The following SYN3 variants were observed in gnomAD, a reference collection of about 807,000 sequenced individuals.
SYN3 encodes synapsin III, also known as synapsin-3.
Under a neutral mutation model 65.8 loss-of-function variants are expected in SYN3, and 35 were observed. That is an observed-to-expected ratio of 0.53 (90% CI 0.41 to 0.70). The LOEUF (loss-of-function observed/expected upper bound fraction) is 0.70, where lower values mean the gene tolerates loss of function less well. Among genes scored for constraint, SYN3 ranks in the 30% least tolerant of loss-of-function variants. The probability of loss-of-function intolerance (pLI) is 0.00; values close to 1 mark genes in which losing one functional copy is unlikely to be tolerated. For synonymous variants in SYN3, 270 were observed against 292.9 expected, an observed-to-expected ratio of 0.92 and a Z score of 0.80; for missense variants, 680 against 749.0, an observed-to-expected ratio of 0.91 and a Z score of 1.08.
intron 6 of SYN3, among the ~76,000 whole-genome samples, chr22:32,653,906 C>A (rs539897193): frequency 2.6e-5 from 4 of 152,212 alleles, no homozygotes; most frequent in Non-Finnish European, 4.4e-5. Flanking sequence ...CTTTTGAAGT[C>A]TGAACTCTGG....
In SYN3 at chr22:32,549,627, G is replaced by A. The variant is rs553046630; in HGVS notation, c.775-7914C>T. ...GATTAAAAAAATACAGGCTGGGTGC[G>A]CAGGCTCACGCCTGTAATCCCAGCA... On this transcript the variant is annotated intron_variant, in intron 7 of 13. Transcript: ENST00000358763. Among the ~76,000 whole-genome samples, 322 of 152,294 alleles carry A rather than the reference G, an allele frequency of 2.1e-3. 1 individual carries two copies. The highest frequency in any genetic ancestry group is 7.3e-3 in the African/African-American group (302 of 41,562).
intron 7 of SYN3, among the ~76,000 whole-genome samples, chr22:32,549,838 G>C (rs908062905): frequency 2.0e-5 from 3 of 150,220 alleles, no homozygotes; most frequent in Non-Finnish European, 4.4e-5. Flanking sequence ...GCAGTGAGCT[G>C]AGATTGCACC....
At chr22:32,652,095 C>T (rs2060079354) in intron 6 of SYN3, among the ~76,000 whole-genome samples, 1 of 152,216 alleles carries the variant, frequency 6.6e-6, no homozygotes, top group African/African-American at 2.4e-5. Flanking sequence ...ATTCCAGACT[C>T]TGCCACTTAG....
At chr22:32,745,711 C>G (rs1020928789) in intron 6 of SYN3, among the ~76,000 whole-genome samples, 2 of 151,954 alleles carry the variant, frequency 1.3e-5, no homozygotes, top group African/African-American at 4.8e-5. Flanking sequence ...GAAACGGACA[C>G]GTACACCCAG....
chr22:32,927,324 C>T (rs1028464661), intron 4 of SYN3, among the ~76,000 whole-genome samples: 6 of 148,366 alleles, frequency 4.0e-5, no homozygotes, highest in South Asian at 2.1e-4. Flanking sequence ...AGTGCAGTGG[C>T]GTGATCACAG....
At chr22:33,028,691 A>ATGG (rs1170552905) in intron 1 of SYN3, among the ~76,000 whole-genome samples, 32 of 43,150 alleles carry the variant, frequency 7.4e-4, no homozygotes, top group East Asian at 2.2e-3. Context: ...GGTGGTGGTG[A>ATGG]TGGTGGTGGT....
chr22:32,669,685 T>C (rs2060335438), intron 6 of SYN3, among the ~76,000 whole-genome samples: 1 of 152,230 alleles, frequency 6.6e-6, no homozygotes, highest in Non-Finnish European at 1.5e-5. Flanking sequence ...TTATACATGG[T>C]TGTCCAGAGT....
intron 6 of SYN3, among the ~76,000 whole-genome samples, chr22:32,699,617 T>C (rs1465298131): frequency 3.3e-5 from 5 of 152,160 alleles, no homozygotes; most frequent in African/African-American, 9.7e-5. Context: ...GGGGCCCAAT[T>C]TGTTTACCTT....
At chr22:32,766,246 T>C (rs1244120862) in intron 6 of SYN3, among the ~76,000 whole-genome samples, 1 of 152,202 alleles carries the variant, frequency 6.6e-6, no homozygotes, top group African/African-American at 2.4e-5. Context: ...GTGCTTTCCA[T>C]GACCCCAGCT....
Position 33,006,734 on chromosome 22 carries a change from GC to G in SYN3, c.-73del. The G allele has an allele frequency of 6.8e-7, 1 of 1,463,222 alleles. No individual in the cohort carries two copies. The highest frequency in any genetic ancestry group is 9.2e-7 in the Non-Finnish European group (1 of 1,086,564). The allele number at this position is 1,463,222 out of a possible 1,614,324, so 90.6% of individuals were successfully genotyped here. A position where few individuals can be genotyped will look rare whatever the true frequency, so the allele number is the denominator to read the frequency against. ...GGTGAGGCCCAGAAGACAGGCTGCT[GC>G]CAGGTACAGGGAGTGGTAGGACTTT... On this transcript the variant is annotated 5_prime_UTR_variant, in exon 2 of 14. Transcript: ENST00000358763.
intron 6 of SYN3, among the ~76,000 whole-genome samples, chr22:32,772,430 G>A (rs7284103): frequency 0.13 from 19,045 of 151,674 alleles, 1,188 homozygotes; most frequent in Admixed American, 0.16. Context: ...GTCCCATCTC[G>A]GGCAAGCTTC....
chr22:32,598,207 T>C (rs1184421531), intron 6 of SYN3, among the ~76,000 whole-genome samples: 2 of 152,190 alleles, frequency 1.3e-5, no homozygotes, highest in Non-Finnish European at 2.9e-5. Context: ...TTGATGTCTC[T>C]TGCCTGGTCT....
intron 6 of SYN3, among the ~76,000 whole-genome samples, chr22:32,761,857 G>A (rs1480093720): frequency 6.6e-6 from 1 of 152,168 alleles, no homozygotes; most frequent in African/African-American, 2.4e-5. Flanking sequence ...GTTTTGCCTG[G>A]TGGAATTTTC....
intron 6 of SYN3, among the ~76,000 whole-genome samples, chr22:32,645,308 G>A (rs527847637): frequency 4.2e-4 from 64 of 152,052 alleles, no homozygotes; most frequent in Admixed American, 3.5e-3. Context: ...AAAATTAGCC[G>A]GGCATGGTGG....
intron 6 of SYN3, among the ~76,000 whole-genome samples, chr22:32,637,422 G>A (rs2059831453): frequency 6.6e-6 from 1 of 152,078 alleles, no homozygotes; most frequent in Non-Finnish European, 1.5e-5. Flanking sequence ...GATATGTCAG[G>A]TATTATCATT....
At chr22:32,532,239 T>A (rs922222918) in intron 10 of SYN3, among the ~76,000 whole-genome samples, 7 of 152,286 alleles carry the variant, frequency 4.6e-5, no homozygotes, top group Admixed American at 1.3e-4. Flanking sequence ...CAAATCTGGG[T>A]TCATGTCTGG....
intron 7 of SYN3, among the ~76,000 whole-genome samples, chr22:32,544,361 A>G (rs1399468923): frequency 6.6e-6 from 1 of 152,136 alleles, no homozygotes; most frequent in Non-Finnish European, 1.5e-5. Flanking sequence ...CATTCTCCTC[A>G]ACATGTTCCT....
intron 6 of SYN3, among the ~76,000 whole-genome samples, chr22:32,717,919 C>T (rs978660000): frequency 3.3e-5 from 5 of 152,270 alleles, no homozygotes; most frequent in African/African-American, 9.6e-5. Flanking sequence ...TGTTTGTGCA[C>T]GCAAGCATGC....
intron 4 of SYN3, among the ~76,000 whole-genome samples, chr22:32,871,852 C>T (rs137493): frequency 0.58 from 87,260 of 151,742 alleles, 25,866 homozygotes; most frequent in African/African-American, 0.7. Flanking sequence ...GGTCTTGAAC[C>T]TCTGAACTTA....
Sources: gnomAD v4.1 joint callset for allele counts (sites outside exome capture counted in the v4.1 genomes callset) on GRCh38, gnomAD v4.1.1 for gene constraint, MANE v1.5 for transcripts, NCBI Gene and HGNC (gene_info 2026-07-23, HGNC 2026-07-21) for gene names.